ZFPM2: variants seen among roughly 807,000 people sequenced by gnomAD.
ZFPM2 encodes zinc finger protein, FOG family member 2.
In ZFPM2, 20 loss-of-function variants were observed where a neutral mutation model predicts 98.6. The ratio of observed to expected loss-of-function variants is 0.20; its 90% CI spans 0.14 to 0.29. ZFPM2 has a LOEUF of 0.29. ZFPM2 is among the 10% of genes least tolerant of loss of function. ZFPM2 has a pLI of 1.00. For missense variants in ZFPM2, 1,310 were observed against 1,388.6 expected (o/e 0.94, Z 0.90); for synonymous variants, 518 against 502.7 (o/e 1.03, Z -0.41).
chr8:105,685,093 A>G (rs1256703305), intron 5 of ZFPM2, among the ~76,000 whole-genome samples: 1 of 152,118 alleles, frequency 6.6e-6, no homozygotes, highest in South Asian at 2.1e-4. Context: ...GATTGAATAT[A>G]AAGTATTATT....
At chr8:105,704,084 C>T (rs1482991802) in intron 5 of ZFPM2, among the ~76,000 whole-genome samples, 1 of 142,156 alleles carries the variant, frequency 7.0e-6, no homozygotes, top group African/African-American at 2.7e-5. Flanking sequence ...AGAGGACCTT[C>T]ACCCTGACCA....
intron 4 of ZFPM2, among the ~76,000 whole-genome samples, chr8:105,606,849 A>G (rs1379085548): frequency 6.6e-6 from 1 of 152,086 alleles, no homozygotes; most frequent in Non-Finnish European, 1.5e-5. Context: ...TAAAGGAAGA[A>G]CTGTTTAGGA....
chr8:105,513,859 A>G lies in ZFPM2; in HGVS notation c.302-47504A>G, dbSNP rs566685272. On this transcript the variant is annotated intron_variant, in intron 3 of 7. Transcript: ENST00000407775. Reference sequence around the variant, plus strand: ...TTGAAGGATTTTCTAAGGGTGGAATACATGATTCACTTCAGGGAGTAATCT... The same window carrying G: ...TTGAAGGATTTTCTAAGGGTGGAATGCATGATTCACTTCAGGGAGTAATCT... Among the ~76,000 whole-genome samples the G allele has an allele frequency of 7.9e-5, 12 of 152,308 alleles. No homozygotes were observed. In the East Asian group the frequency reaches 1.9e-3, roughly 25 times the overall value.
chr8:105,396,419 C>A (rs1811219859), intron 1 of ZFPM2, among the ~76,000 whole-genome samples: 1 of 152,054 alleles, frequency 6.6e-6, no homozygotes, highest in Admixed American at 6.6e-5. Flanking sequence ...AGTGTGATTC[C>A]TTGACATGGG....
At chr8:105,466,650 T>C (rs1812800965) in intron 3 of ZFPM2, among the ~76,000 whole-genome samples, 1 of 152,076 alleles carries the variant, frequency 6.6e-6, no homozygotes, top group South Asian at 2.1e-4. Flanking sequence ...TGTCCAGAAA[T>C]GTTAATTTAG....
chr8:105,611,889 G>T (rs1234387741), intron 4 of ZFPM2, among the ~76,000 whole-genome samples: 1 of 151,628 alleles, frequency 6.6e-6, no homozygotes, highest in East Asian at 1.9e-4. Context: ...TTAGAGATGG[G>T]GTTTTACCAT....
intron 3 of ZFPM2, among the ~76,000 whole-genome samples, chr8:105,556,719 C>CT (rs1815001862): frequency 7.0e-6 from 1 of 142,626 alleles, no homozygotes. Context: ...CTTCCCTTCC[C>CT]TCCCCTCCCC....
At chr8:105,457,428 G>C (rs144929787) in intron 3 of ZFPM2, among the ~76,000 whole-genome samples, 2 of 152,242 alleles carry the variant, frequency 1.3e-5, no homozygotes, top group Admixed American at 6.5e-5. Flanking sequence ...TATGCAGTAG[G>C]CTCCCAGGAT....
intron 1 of ZFPM2, among the ~76,000 whole-genome samples, chr8:105,348,161 G>T (rs976872266): frequency 6.6e-6 from 1 of 152,190 alleles, no homozygotes; most frequent in African/African-American, 2.4e-5. Context: ...AGTCTATGTG[G>T]ATAGATGAAG....
chr8:105,542,207 C>T (rs986202695), intron 3 of ZFPM2, among the ~76,000 whole-genome samples: 1 of 152,068 alleles, frequency 6.6e-6, no homozygotes, highest in African/African-American at 2.4e-5. Flanking sequence ...ATACGCAATA[C>T]ATATTTAAAA....
In ZFPM2 at chr8:105,803,730, A is replaced by AAAT; in HGVS notation, c.*193_*195dup. ...TGTATTATTGGTGCCATTTTCAAAA[A>AAAT]AATTAATTTATTTTACCAGCAGTAT... is the stretch of plus-strand genomic sequence containing the variant. On this transcript the variant is annotated 3_prime_UTR_variant, in exon 8 of 8. Coordinates refer to ENST00000407775, the MANE Select transcript of ZFPM2 (RefSeq NM_012082.4). 1.7e-6 allele frequency: 1 copy of AAAT among 582,776 alleles called. No individual in the cohort carries two copies. The highest frequency in any genetic ancestry group is 2.4e-5 in the South Asian group (1 of 42,008). The allele number at this position is 582,776 out of a possible 1,614,324, so 36.1% of individuals were successfully genotyped here. A position where few individuals can be genotyped will look rare whatever the true frequency, so the allele number is the denominator to read the frequency against.
intron 3 of ZFPM2, among the ~76,000 whole-genome samples, chr8:105,478,460 G>T (rs1813053579): frequency 1.3e-5 from 2 of 152,150 alleles, no homozygotes; most frequent in Admixed American, 1.3e-4. Flanking sequence ...GGTGAGACTG[G>T]ACCCATACTT....
At chr8:105,526,284 T>C (rs1309133206) in intron 3 of ZFPM2, among the ~76,000 whole-genome samples, 1 of 152,154 alleles carries the variant, frequency 6.6e-6, no homozygotes, top group Non-Finnish European at 1.5e-5. Flanking sequence ...TATCTAATGC[T>C]AGTTGAACTT....
chr8:105,418,727 A>C, intron 1 of ZFPM2: 1 of 488,476 alleles, frequency 2.0e-6, no homozygotes, highest in South Asian at 1.5e-5. Flanking sequence ...AATGCATTCA[A>C]TTACTTTAAA....
intron 5 of ZFPM2, among the ~76,000 whole-genome samples, chr8:105,685,536 G>GT (rs1226407819): frequency 6.6e-5 from 10 of 151,906 alleles, no homozygotes; most frequent in African/African-American, 2.4e-4. Context: ...TTAAACACAA[G>GT]TGATTTTTTA....
At chr8:105,596,676 A>G (rs1195582235) in intron 4 of ZFPM2, among the ~76,000 whole-genome samples, 1 of 149,620 alleles carries the variant, frequency 6.7e-6, no homozygotes, top group East Asian at 2.0e-4. Flanking sequence ...ACCAATTTCT[A>G]GTCATCGTAT....
chr8:105,635,257 A>C (rs1343745311), intron 5 of ZFPM2, among the ~76,000 whole-genome samples: 3 of 152,186 alleles, frequency 2.0e-5, no homozygotes, highest in African/African-American at 4.8e-5. Context: ...AAAAGCATAC[A>C]AGGGAACAAG....
At position 105,514,017 on chromosome 8, in the gene ZFPM2, T is replaced by TTC. The variant is rs1554613230; in HGVS notation, c.302-47346_302-47345insTC. On this transcript the variant is annotated intron_variant, in intron 3 of 7. Transcript: ENST00000407775. ...GTCCGGAGTGTCTTTTTTTTTTTTT[T>TTC]CCCAAGATTAAGTGTCACTTTATGG... is the stretch of plus-strand genomic sequence containing the variant. 9.2e-5 allele frequency among the ~76,000 whole-genome samples: 14 copies of TTC among 151,352 alleles called. No homozygotes were observed. The South Asian group carries it at 1.3e-3, about 14-fold the overall frequency.
At chr8:105,624,990 A>C (rs1816625378) in intron 4 of ZFPM2, among the ~76,000 whole-genome samples, 2 of 152,190 alleles carry the variant, frequency 1.3e-5, no homozygotes, top group Non-Finnish European at 2.9e-5. Context: ...TTGTTAGCAG[A>C]AGTTCTCTGG....
Sources: gnomAD v4.1 joint callset for allele counts (sites outside exome capture counted in the v4.1 genomes callset) on GRCh38, gnomAD v4.1.1 for gene constraint, MANE v1.5 for transcripts, NCBI Gene and HGNC (gene_info 2026-07-23, HGNC 2026-07-21) for gene names.